ANXA3: variants seen among roughly 807,000 people sequenced by gnomAD.
ANXA3 encodes 35-alpha calcimedin.
In ANXA3, 46 loss-of-function variants were observed where a neutral mutation model predicts 48.8. That is an observed-to-expected ratio of 0.94 (90% CI 0.74 to 1.21). ANXA3 has a LOEUF of 1.21. Among genes scored for constraint, ANXA3 ranks in the 50% most tolerant of loss-of-function variants. The pLI, the probability that ANXA3 is intolerant of heterozygous loss-of-function variation, is 0.00. For missense variants in ANXA3, 383 were observed against 378.6 expected, an observed-to-expected ratio of 1.01 and a Z score of -0.10; for synonymous variants, 128 against 134.7, an observed-to-expected ratio of 0.95 and a Z score of 0.35.
intron 7 of ANXA3, 102 bp from the exon 8 acceptor site, chr4:78,595,279 T>C: frequency 7.9e-7 from 1 of 1,266,082 alleles, no homozygotes; most frequent in Non-Finnish European, 1.2e-6. Flanking sequence ...CAACCTGTCC[T>C]GCCTTAAAGA....
chr4:78,604,634 T>A (rs1723611013), intron 12 of ANXA3, among the ~76,000 whole-genome samples: 1 of 152,212 alleles, frequency 6.6e-6, no homozygotes, highest in Non-Finnish European at 1.5e-5. Context: ...AGCCACTAAT[T>A]TTTCTTCTTT....
intron 1 of ANXA3, among the ~76,000 whole-genome samples, chr4:78,553,148 T>A (rs1722435107): frequency 6.6e-6 from 1 of 152,194 alleles, no homozygotes; most frequent in South Asian, 2.1e-4. Context: ...GGCAGAAGCA[T>A]GGGGGTTAGG....
intron 2 of ANXA3, among the ~76,000 whole-genome samples, chr4:78,562,611 T>C (rs1036926089): frequency 6.6e-6 from 1 of 152,240 alleles, no homozygotes; most frequent in Non-Finnish European, 1.5e-5. Context: ...CTAACTATCT[T>C]TTATATGCCA....
intron 9 of ANXA3, 49 bp downstream of exon 9, chr4:78,595,936 T>C (rs1476712272): frequency 7.8e-7 from 1 of 1,290,214 alleles, no homozygotes; most frequent in Non-Finnish European, 1.1e-6. Flanking sequence ...TTTTTACAAA[T>C]GTTTTTGCAT....
At chr4:78,579,467 G>A (rs1723030273) in intron 4 of ANXA3, among the ~76,000 whole-genome samples, 1 of 152,198 alleles carries the variant, frequency 6.6e-6, no homozygotes, top group African/African-American at 2.4e-5. Context: ...AGTACTTCTA[G>A]CATGTAGTAG....
chr4:78,595,720 C>G lies in ANXA3; in HGVS notation c.541-74C>G, dbSNP rs1280693933. 5.2e-6 allele frequency: 5 copies of G among 954,426 alleles called. No individual in the cohort carries two copies. The Admixed American group carries it at 1.0e-4, about 20-fold the overall frequency. 59.1% of individuals were successfully genotyped at this position (954,426 alleles called of 1,614,324 possible). On this transcript the variant is annotated intron_variant, in intron 8 of 12. Coordinates refer to ENST00000264908, the MANE Select transcript of ANXA3 (RefSeq NM_005139.3). ...GATGATGGCACTGACCTCTGAAATA[C>G]AACTCCGATTCTTCTCATGTCACCT...
At chr4:78,578,609 C>T (rs1490178646) in intron 3 of ANXA3, among the ~76,000 whole-genome samples, 1 of 151,998 alleles carries the variant, frequency 6.6e-6, no homozygotes, top group Non-Finnish European at 1.5e-5. Flanking sequence ...TCATGCAGGG[C>T]AGATTTTCAA....
intron 2 of ANXA3, among the ~76,000 whole-genome samples, chr4:78,572,136 CTTG>C (rs1252554194): frequency 6.6e-6 from 1 of 152,222 alleles, no homozygotes; most frequent in Non-Finnish European, 1.5e-5. Context: ...TTTCAGCTTT[CTTG>C]TTGCTCTCCT....
chr4:78,569,753 A>G (rs1322290434), intron 2 of ANXA3, among the ~76,000 whole-genome samples: 1 of 152,180 alleles, frequency 6.6e-6, no homozygotes, highest in Non-Finnish European at 1.5e-5. Context: ...ACACTTTGAG[A>G]ACCACTAAGA....
intron 2 of ANXA3, among the ~76,000 whole-genome samples, chr4:78,562,650 A>G (rs1156400369): frequency 6.6e-6 from 1 of 152,244 alleles, no homozygotes; most frequent in Non-Finnish European, 1.5e-5. Flanking sequence ...ACAGCAGAGA[A>G]AGAGAAATAA....
intron 7 of ANXA3, among the ~76,000 whole-genome samples, chr4:78,594,854 T>C (rs1487178692): frequency 6.6e-6 from 1 of 152,212 alleles, no homozygotes; most frequent in African/African-American, 2.4e-5. Flanking sequence ...CTGTGTTGGG[T>C]TGGGCACAGT....
intron 11 of ANXA3, chr4:78,602,682 C>G (rs943343111): frequency 6.6e-6 from 1 of 152,298 alleles, no homozygotes; most frequent in Non-Finnish European, 1.5e-5. Flanking sequence ...TTACCTCCAT[C>G]TCTTTACCAG....
rs117293676 is a variant in ANXA3 at position 78,597,425 on chromosome 4, G to A, written c.730+11G>A. ...TACTGTTGGCCATAGGTAAGACTTC[G>A]AGTGCTGGTAAACTAAGTTACTTTG... On this transcript the variant is annotated intron_variant, in intron 10 of 12. Coordinates refer to ENST00000264908, the MANE Select transcript of ANXA3 (RefSeq NM_005139.3). 1.6e-4 allele frequency: 252 copies of A among 1,542,812 alleles called. 4 individuals carry two copies. In the East Asian group the frequency reaches 5.3e-3, roughly 32 times the overall value.
At chr4:78,581,709 G>T (rs192415317) in intron 4 of ANXA3, among the ~76,000 whole-genome samples, 1 of 152,150 alleles carries the variant, frequency 6.6e-6, no homozygotes, top group Non-Finnish European at 1.5e-5. Context: ...ATGCCACCTA[G>T]TTCCACATTC....
At chr4:78,567,060 G>A (rs533596057) in intron 2 of ANXA3, among the ~76,000 whole-genome samples, 1 of 152,272 alleles carries the variant, frequency 6.6e-6, no homozygotes, top group Non-Finnish European at 1.5e-5. Flanking sequence ...GGAGGCTTCT[G>A]TTTGTGCATC....
Position 78,560,645 on chromosome 4 carries a change from T to C in ANXA3, c.15+6157T>C, listed in dbSNP as rs188264548. On this transcript the variant is annotated intron_variant, in intron 2 of 12. Coordinates refer to ENST00000264908, the MANE Select transcript of ANXA3 (RefSeq NM_005139.3). ...ATTTGTTACATGATTGAACTCAATATCCAGCCCCTCTTTCCTCCTCAGAGG... is the reference window on the plus strand; with the variant it reads ...ATTTGTTACATGATTGAACTCAATACCCAGCCCCTCTTTCCTCCTCAGAGG... Among the ~76,000 whole-genome samples, 65 of 152,344 alleles carry C rather than the reference T, an allele frequency of 4.3e-4. 1 individual carries two copies. Among genetic ancestry groups the C allele is most frequent in the African/African-American group, 1.5e-3 (62 of 41,578 alleles).
intron 2 of ANXA3, among the ~76,000 whole-genome samples, chr4:78,572,407 A>G (rs1301703264): frequency 6.6e-6 from 1 of 152,190 alleles, no homozygotes; most frequent in Non-Finnish European, 1.5e-5. Context: ...GTAAAGAAAA[A>G]GTTTAATTGA....
At chr4:78,594,448 A>G (rs1454943217) in intron 7 of ANXA3, among the ~76,000 whole-genome samples, 1 of 152,212 alleles carries the variant, frequency 6.6e-6, no homozygotes, top group Non-Finnish European at 1.5e-5. Flanking sequence ...TAGCTTTATT[A>G]AAAAACTGCA....
chr4:78,562,123 A>G (rs925052373), intron 2 of ANXA3, among the ~76,000 whole-genome samples: 2 of 152,224 alleles, frequency 1.3e-5, no homozygotes, highest in Non-Finnish European at 2.9e-5. Flanking sequence ...ATCAGAGGTA[A>G]AGAGGAAAAT....
Sources: allele counts gnomAD v4.1 joint callset (sites outside exome capture counted in the v4.1 genomes callset), GRCh38; gene constraint gnomAD v4.1.1; transcripts MANE v1.5; gene names NCBI Gene and HGNC (gene_info 2026-07-23, HGNC 2026-07-21).